SH3TC1: variants seen among roughly 807,000 people sequenced by gnomAD.
SH3TC1 encodes the protein SH3 domain and tetratricopeptide repeats 1, also known as SH3 domain and tetratricopeptide repeat-containing protein 1.
In SH3TC1, 135 loss-of-function variants were observed where a neutral mutation model predicts 117.3. The ratio of observed to expected loss-of-function variants is 1.15; its 90% CI spans 1.00 to 1.33. SH3TC1 has a LOEUF of 1.33. Among genes scored for constraint, SH3TC1 ranks in the 40% most tolerant of loss-of-function variants. The probability of loss-of-function intolerance (pLI) is 0.00; values close to 1 mark genes in which losing one functional copy is unlikely to be tolerated. For missense variants in SH3TC1, 2,092 were observed against 1,794.3 expected, an observed-to-expected ratio of 1.17 and a Z score of -3.00; for synonymous variants, 898 against 816.9, an observed-to-expected ratio of 1.10 and a Z score of -1.69.
At position 8,237,512 on chromosome 4, in the gene SH3TC1, G is replaced by C; in HGVS notation, c.3595G>C (p.Ala1199Pro). 1.9e-6 allele frequency: 3 copies of C among 1,604,024 alleles called. No homozygotes were observed. Among genetic ancestry groups the C allele is most frequent in the Non-Finnish European group, 2.6e-6 (3 of 1,175,862 alleles). Residue 1199 changes from alanine to proline, a missense_variant, in exon 17 of 18, where the codon GCC (alanine) becomes CCC (proline). Physicochemically the swap from Ala to Pro is conservative, Grantham distance 27. Transcript: ENST00000245105. ...CGAGCGCGTGGCCTACCACCGGCTG[G>C]CCGCCCTGCAACACCGACTGGGCCA... Reference protein sequence around the residue: ...LNERVAYHRLAALQHRLGHGE... With the variant: ...LNERVAYHRLPALQHRLGHGE...
At chr4:8,222,548 A>G (rs1363775708) in intron 9 of SH3TC1, among the ~76,000 whole-genome samples, 1 of 151,018 alleles carries the variant, frequency 6.6e-6, no homozygotes, top group Non-Finnish European at 1.5e-5. Flanking sequence ...TAATTTTTGT[A>G]TTTTTGTAGA....
Position 8,183,010 on chromosome 4 carries a change from G to A in SH3TC1, c.-57+800G>A, listed in dbSNP as rs138739439. 0.013 allele frequency among the ~76,000 whole-genome samples: 2,035 copies of A among 152,274 alleles called. 19 individuals are homozygous for A. The highest frequency in any genetic ancestry group is 0.026 in the Admixed American group (399 of 15,300). On this transcript the variant is annotated intron_variant, in intron 1 of 16. Coordinates refer to the SH3TC1 transcript ENST00000508641. The surrounding 1 kb of genome is among the most constrained non-coding windows in gnomAD (Gnocchi z 5.4). ...GAGGCTGTTGGGGCAGTGGGGAGGC[G>A]CAGGGGCCTGACCCAGAGGAGGGCA...
chr4:8,209,236 T>G lies in SH3TC1; in HGVS notation c.173-512T>G, dbSNP rs1180104149. Among the ~76,000 whole-genome samples, 1 of 152,162 alleles carries G rather than the reference T, an allele frequency of 6.6e-6. No individual in the cohort carries two copies. Among genetic ancestry groups the G allele is most frequent in the Non-Finnish European group, 1.5e-5 (1 of 68,034 alleles). On this transcript the variant is annotated intron_variant, in intron 2 of 17. Transcript: ENST00000245105. The surrounding 1 kb of genome is among the most constrained non-coding windows in gnomAD (Gnocchi z 5.9). ...GCAGATGTGATCAAAGGCAAGGATC[T>G]CGAGATGGAGAGATGATCCCGGATG... is the stretch of plus-strand genomic sequence containing the variant.
At chr4:8,197,055 T>A (rs545942348), upstream of SH3TC1, among the ~76,000 whole-genome samples, 1 of 152,246 alleles carries the variant, frequency 6.6e-6, no homozygotes, top group South Asian at 2.1e-4. Context: ...TCCTTAAGGG[T>A]CTCCAGATGA....
intron 8 of SH3TC1, 142 bp from the exon 9 acceptor site, chr4:8,219,193 C>A (rs539958004): frequency 9.4e-5 from 72 of 769,528 alleles, no homozygotes; most frequent in Non-Finnish European, 1.4e-4. Context: ...TCCCTCATTG[C>A]GGAAACCAAG....
chr4:8,209,635 GC>G lies in SH3TC1; in HGVS notation c.173-112del. ...GGCAGCTGTGGGAAAGGCGGCTCGT[GC>G]GGGACAGAACTCACCTCTTTTCTTG... On this transcript the variant is annotated intron_variant, in intron 2 of 17. Coordinates refer to ENST00000245105, the MANE Select transcript of SH3TC1 (RefSeq NM_018986.5). The surrounding 1 kb of genome is among the most constrained non-coding windows in gnomAD (Gnocchi z 5.9). 6.5e-7 allele frequency: 1 copy of G among 1,547,768 alleles called. No individual in the cohort carries two copies. Among genetic ancestry groups the G allele is most frequent in the Non-Finnish European group, 8.7e-7 (1 of 1,148,700 alleles).
chr4:8,227,266 G>C lies in SH3TC1; in HGVS notation c.1572G>C (p.Pro524=). ...GTGGCCTGTACGATGTGGCGCTGCC[G>C]TGGCTGAGCAGCGTGTTCCGCAGCT... ...SFRGLYDVAL[P]WLSSVFRSFS... The change falls in exon 12 of 18, where the codon CCG becomes CCC. Residue 524 remains proline (P), a synonymous_variant. Coordinates refer to ENST00000245105, the MANE Select transcript of SH3TC1 (RefSeq NM_018986.5). 6.2e-7 allele frequency: 1 copy of C among 1,601,980 alleles called. No homozygotes were observed. The highest frequency in any genetic ancestry group is 8.5e-7 in the Non-Finnish European group (1 of 1,174,632).
In SH3TC1 at chr4:8,232,518, A is replaced by C. The variant is rs1402620322; in HGVS notation, c.3131+362A>C. 1.0e-5 allele frequency: 14 copies of C among 1,385,996 alleles called. No homozygotes were observed. The South Asian group carries it at 1.6e-4, about 16-fold the overall frequency. 85.9% of individuals were successfully genotyped at this position (1,385,996 alleles called of 1,614,324 possible). A position where few individuals can be genotyped will look rare whatever the true frequency, so the allele number is the denominator to read the frequency against. On this transcript the variant is annotated intron_variant, in intron 13 of 17. Coordinates refer to ENST00000245105, the MANE Select transcript of SH3TC1 (RefSeq NM_018986.5). The stretch of plus-strand genomic sequence containing the variant: ...CCCCGAGTCTTCACTCCTGGCCTTC[A>C]CCTGTCCCCTTAAATGTGACCACAG...
chr4:8,233,003 T>A (rs1278796719), intron 13 of SH3TC1: 22 of 1,198,546 alleles, frequency 1.8e-5, no homozygotes, highest in Non-Finnish European at 2.2e-5. Context: ...TCTGGATGAC[T>A]GTGATGCCTG....
chr4:8,222,900 T>C lies in SH3TC1; in HGVS notation c.1173T>C (p.Phe391=). Residue 391 remains phenylalanine (F), a synonymous_variant, in exon 10 of 18, where the codon TTT becomes TTC. Transcript: ENST00000245105. ...EEKSFFSEGC[F]SEEDARQLLR... is the part of the protein sequence containing the mutation. ...AGTCATTCTTCAGCGAGGGCTGCTT[T>C]TCTGAGGAGGATGCCAGGCAGTTGC... 6.2e-7 allele frequency: 1 copy of C among 1,613,686 alleles called. No individual in the cohort carries two copies. Among genetic ancestry groups the C allele is most frequent in the East Asian group, 2.2e-5 (1 of 44,890 alleles).
Position 8,192,501 on chromosome 4 carries a change from AT to A in SH3TC1, c.-57+10295del. Among the ~76,000 whole-genome samples, 1 of 139,876 alleles carries A rather than the reference AT, an allele frequency of 7.1e-6. No individual in the cohort carries two copies. Among genetic ancestry groups the A allele is most frequent in the Non-Finnish European group, 1.5e-5 (1 of 64,714 alleles). 91.8% of individuals were successfully genotyped at this position (139,876 alleles called of 152,430 possible). On this transcript the variant is annotated intron_variant, in intron 1 of 16. Coordinates refer to the SH3TC1 transcript ENST00000508641. The surrounding 1 kb of genome is among the most constrained non-coding windows in gnomAD (Gnocchi z 4.1). ...ATTTTATTTTATTTTATTTTATTTC[AT>A]TTTATTTTTGAGATGGAGTCTCACT... is the stretch of plus-strand genomic sequence containing the variant.
At chr4:8,223,060 C>G in intron 10 of SH3TC1, 90 bp downstream of exon 10, 2 of 1,497,260 alleles carry the variant, frequency 1.3e-6, no homozygotes, top group Non-Finnish European at 1.8e-6. Flanking sequence ...CAGATAGTGC[C>G]AGCCCCTGGA....
chr4:8,232,098 C>G lies in SH3TC1; in HGVS notation c.3073C>G (p.Leu1025Val). The G allele has an allele frequency of 6.2e-7, 1 of 1,612,346 alleles. No individual in the cohort carries two copies. The highest frequency in any genetic ancestry group is 8.5e-7 in the Non-Finnish European group (1 of 1,179,736). The change falls in exon 13 of 18, where the codon CTG (leucine) becomes GTG (valine). Residue 1025 changes from leucine (L) to valine (V), a missense_variant. Physicochemically the swap from Leu to Val is conservative, Grantham distance 32. Transcript: ENST00000245105. The part of the protein sequence containing the change: ...SLACKVADKV[L>V]EGQLLETISQ... ...GGCCTGCAAGGTGGCCGACAAGGTG[C>G]TGGAGGGGCAGCTCCTGGAGACCAT...
At position 8,183,315 on chromosome 4, in the gene SH3TC1, G is replaced by C. The variant is rs778076578; in HGVS notation, c.-57+1105G>C. Among the ~76,000 whole-genome samples, 1 of 152,224 alleles carries C rather than the reference G, an allele frequency of 6.6e-6. No homozygotes were observed. The highest frequency in any genetic ancestry group is 1.5e-5 in the Non-Finnish European group (1 of 68,024). On this transcript the variant is annotated intron_variant, in intron 1 of 16. Transcript: ENST00000508641. The surrounding 1 kb of genome is among the most constrained non-coding windows in gnomAD (Gnocchi z 5.4). ...GAGGACCACGGCAGGTCACGCCTGG[G>C]GCTAGGATGCCCTTCCAAAGCCCTG...
chr4:8,193,544 T>C (rs1351387743), intron 1 of SH3TC1, among the ~76,000 whole-genome samples: 1 of 152,172 alleles, frequency 6.6e-6, no homozygotes, highest in Non-Finnish European at 1.5e-5. Flanking sequence ...CTTCCTTGAT[T>C]TCATCCTCCT....
chr4:8,235,365 G>T, intron 14 of SH3TC1, 68 bp from the exon 15 acceptor site: 1 of 1,412,574 alleles, frequency 7.1e-7, no homozygotes, highest in Non-Finnish European at 9.3e-7. Flanking sequence ...GGGCGGGGGA[G>T]TCCGACCTGG....
intron 16 of SH3TC1, chr4:8,236,754 C>T (rs1721856469): frequency 3.4e-6 from 1 of 293,270 alleles, no homozygotes; most frequent in South Asian, 1.4e-4. Context: ...TGGCACATTC[C>T]CTTTCTCTTG....
At chr4:8,197,196 C>G (rs1172945430), upstream of SH3TC1, among the ~76,000 whole-genome samples, 1 of 152,154 alleles carries the variant, frequency 6.6e-6, no homozygotes, top group Non-Finnish European at 1.5e-5. Context: ...GATGCCACCT[C>G]TAGCCGGAGC....
intron 14 of SH3TC1, among the ~76,000 whole-genome samples, chr4:8,234,393 T>C (rs1721603287): frequency 6.6e-6 from 1 of 151,930 alleles, no homozygotes; most frequent in African/African-American, 2.4e-5. Context: ...TATCCATCCA[T>C]ATGTACATAC....
Sources: allele counts gnomAD v4.1 joint callset (sites outside exome capture counted in the v4.1 genomes callset), GRCh38; gene constraint gnomAD v4.1.1; non-coding constraint Gnocchi (gnomAD v3.1); transcripts MANE v1.5; gene names NCBI Gene and HGNC (gene_info 2026-07-23, HGNC 2026-07-21).